The following AGBL1 variants were observed in gnomAD, a reference collection of about 807,000 sequenced individuals.
AGBL1 encodes AGBL carboxypeptidase 1, also known as cytosolic carboxypeptidase 4.
AGBL1 carries 130 observed loss-of-function variants against 118.9 expected under a neutral mutation model. The ratio of observed to expected loss-of-function variants is 1.09; its 90% CI spans 0.95 to 1.26. The LOEUF (loss-of-function observed/expected upper bound fraction) is 1.26. Among genes scored for constraint, AGBL1 ranks in the 50% most tolerant of loss-of-function variants. The pLI, the probability that AGBL1 is intolerant of heterozygous loss-of-function variation, is 0.00. For missense variants in AGBL1, 1,584 were observed against 1,298.1 expected (o/e 1.22, Z -3.38); for synonymous variants, 555 against 478.9 (o/e 1.16, Z -2.08).
chr15:86,858,796 T>C (rs532762298), intron 22 of AGBL1, among the ~76,000 whole-genome samples: 2 of 152,258 alleles, frequency 1.3e-5, no homozygotes, highest in South Asian at 4.1e-4. Context: ...TGTACTTGTA[T>C]GTGAATTAAG....
intron 21 of AGBL1, among the ~76,000 whole-genome samples, chr15:86,554,971 G>A (rs530838325): frequency 1.4e-4 from 21 of 152,258 alleles, no homozygotes; most frequent in African/African-American, 2.6e-4. Context: ...CATCTTCTGC[G>A]TCAATCTAAA....
intron 21 of AGBL1, among the ~76,000 whole-genome samples, chr15:86,643,613 T>TCAG (rs1300684242): frequency 6.6e-6 from 1 of 152,186 alleles, no homozygotes; most frequent in Admixed American, 6.5e-5. Flanking sequence ...GATTATTGGA[T>TCAG]TTACTTACTC....
At chr15:86,842,890 G>A (rs1426236406) in intron 22 of AGBL1, among the ~76,000 whole-genome samples, 4 of 151,972 alleles carry the variant, frequency 2.6e-5, no homozygotes, top group East Asian at 1.9e-4. Context: ...CTTTAGCGGG[G>A]TTACACTCCC....
chr15:86,124,370 C>A (rs942230689), intron 1 of AGBL1, among the ~76,000 whole-genome samples: 10 of 150,402 alleles, frequency 6.6e-5, no homozygotes, highest in Non-Finnish European at 1.3e-4. Flanking sequence ...CCAAAAATCC[C>A]AAAAAACAAA....
At chr15:86,202,300 A>G (rs1029617965) in intron 5 of AGBL1, among the ~76,000 whole-genome samples, 1 of 152,158 alleles carries the variant, frequency 6.6e-6, no homozygotes, top group Non-Finnish European at 1.5e-5. Context: ...CTGAAAAAAC[A>G]AAACAAAAAC....
intron 18 of AGBL1, among the ~76,000 whole-genome samples, chr15:86,453,989 A>G (rs188273667): frequency 3.3e-5 from 5 of 152,192 alleles, no homozygotes; most frequent in Admixed American, 2.0e-4. Flanking sequence ...TTAAGGATAG[A>G]CTGCTATTTT....
intron 24 of AGBL1, among the ~76,000 whole-genome samples, chr15:87,023,166 C>T (rs2570102): frequency 6.6e-6 from 1 of 152,022 alleles, no homozygotes; most frequent in African/African-American, 2.4e-5. Flanking sequence ...CCTAAATGTT[C>T]TACTTAAAGA....
At chr15:86,521,584 G>T (rs1369620400) in intron 18 of AGBL1, among the ~76,000 whole-genome samples, 1 of 152,140 alleles carries the variant, frequency 6.6e-6, no homozygotes, top group Non-Finnish European at 1.5e-5. Context: ...GAAAATCAGG[G>T]AAAGTTCCCC....
rs567540010 is a variant in AGBL1, at chr15:86,655,852, C to T, written c.2995-18421C>T. ...ATGAGGAAAGTCTAGCTATGGGCTT[C>T]GTAGTAGTTTTGCTGCTATACCACA... On this transcript the variant is annotated intron_variant, in intron 21 of 22. Coordinates refer to ENST00000614907, the MANE Select transcript of AGBL1 (RefSeq NM_001386094.1). Among the ~76,000 whole-genome samples the T allele has an allele frequency of 5.3e-4, 80 of 152,196 alleles. No homozygotes were observed. The Middle Eastern group carries it at 0.014, about 26-fold the overall frequency.
chr15:86,776,794 G>GAC (rs139831892), intron 22 of AGBL1, among the ~76,000 whole-genome samples: 15,008 of 149,940 alleles, frequency 0.1, 802 homozygotes, highest in South Asian at 0.15. Context: ...GTGTGTGAGA[G>GAC]AGAGAGAGAA....
In AGBL1 at chr15:86,605,155, G is replaced by T. The variant is rs188554605; in HGVS notation, c.2994+50618G>T. On this transcript the variant is annotated intron_variant, in intron 21 of 22. Transcript: ENST00000614907. ...ACATGAAGAATATTTTTTTTAAAAA[G>T]AACAAATTTTCAAGTTGAAGATAGT... Among the ~76,000 whole-genome samples, 3 of 151,756 alleles carry T rather than the reference G, an allele frequency of 2.0e-5. No individual in the cohort carries two copies. In the East Asian group the frequency reaches 5.8e-4, roughly 30 times the overall value.
At chr15:86,803,335 A>T (rs988127215) in intron 22 of AGBL1, among the ~76,000 whole-genome samples, 1 of 152,066 alleles carries the variant, frequency 6.6e-6, no homozygotes, top group Non-Finnish European at 1.5e-5. Flanking sequence ...CTGCCATGTG[A>T]AGAAAGTCCT....
At chr15:87,026,719 A>G (rs1479467355) in intron 24 of AGBL1, among the ~76,000 whole-genome samples, 1 of 152,120 alleles carries the variant, frequency 6.6e-6, no homozygotes, top group Admixed American at 6.6e-5. Flanking sequence ...TGCAATTGCA[A>G]AAATGTGGAC....
At chr15:86,612,245 C>T (rs1013168721) in intron 21 of AGBL1, among the ~76,000 whole-genome samples, 1 of 152,088 alleles carries the variant, frequency 6.6e-6, no homozygotes, top group African/African-American at 2.4e-5. Flanking sequence ...CAAATAGAAG[C>T]CCCTGAAGGG....
At chr15:86,091,279 C>T (rs755483832) in intron 1 of AGBL1, among the ~76,000 whole-genome samples, 7 of 152,174 alleles carry the variant, frequency 4.6e-5, no homozygotes, top group African/African-American at 7.2e-5. Flanking sequence ...TATCAGCAGA[C>T]GCTTTCCTAC....
At chr15:86,108,140 TTAAAA>T (rs1597401010) in intron 1 of AGBL1, among the ~76,000 whole-genome samples, 1 of 152,132 alleles carries the variant, frequency 6.6e-6, no homozygotes, top group East Asian at 1.9e-4. Context: ...AACCAGCAAA[TTAAAA>T]TAAGGGGAAG....
chr15:86,737,798 T>A (rs147809846), intron 22 of AGBL1, among the ~76,000 whole-genome samples: 54 of 152,338 alleles, frequency 3.5e-4, no homozygotes, highest in African/African-American at 1.3e-3. Flanking sequence ...AAAACATTTG[T>A]CAAAAGCATT....
chr15:87,019,772 T>A (rs1007307702), intron 24 of AGBL1, among the ~76,000 whole-genome samples: 1 of 151,556 alleles, frequency 6.6e-6, no homozygotes, highest in African/African-American at 2.4e-5. Context: ...TAACCAAGAT[T>A]AGAGGTGAAC....
At chr15:86,534,112 TAAAAAA>T (rs61563504) in intron 19 of AGBL1, among the ~76,000 whole-genome samples, 3 of 96,520 alleles carry the variant, frequency 3.1e-5, no homozygotes, top group Admixed American at 2.3e-4. Flanking sequence ...TAAAGTATAA[TAAAAAA>T]AAAAAAAAAA....
Sources: gnomAD v4.1 joint callset for allele counts (sites outside exome capture counted in the v4.1 genomes callset) on GRCh38, gnomAD v4.1.1 for gene constraint, MANE v1.5 for transcripts, NCBI Gene and HGNC (gene_info 2026-07-23, HGNC 2026-07-21) for gene names.